Variants in NAALADL2 observed in about 807,000 individuals in gnomAD.
NAALADL2 encodes the protein inactive N-acetylated-alpha-linked acidic dipeptidase-like protein 2.
Under a neutral mutation model 87.2 loss-of-function variants are expected in NAALADL2, and 76 were observed. The observed-to-expected ratio is 0.87, with a 90% CI of 0.72 to 1.05. The LOEUF (loss-of-function observed/expected upper bound fraction) is 1.05. NAALADL2 is among the 50% of genes least tolerant of loss of function. NAALADL2 has a pLI of 0.00. For synonymous variants in NAALADL2, 354 were observed against 331.0 expected (o/e 1.07, Z -0.75); for missense variants, 1,089 against 945.8 (o/e 1.15, Z -1.99).
At chr3:174,548,144 A>T (rs1488620326) in intron 1 of NAALADL2, among the ~76,000 whole-genome samples, 1 of 152,204 alleles carries the variant, frequency 6.6e-6, no homozygotes. Context: ...CATTTAGTTC[A>T]TTACGAACTG....
At chr3:175,151,693 C>T (rs985687537) in intron 2 of NAALADL2, among the ~76,000 whole-genome samples, 11 of 152,112 alleles carry the variant, frequency 7.2e-5, no homozygotes, top group African/African-American at 2.7e-4. Flanking sequence ...CATACATACA[C>T]GCACATGCAT....
chr3:175,535,130 AT>A, intron 9 of NAALADL2, among the ~76,000 whole-genome samples: 1 of 152,140 alleles, frequency 6.6e-6, no homozygotes, highest in Non-Finnish European at 1.5e-5. Flanking sequence ...CTGCTATGTA[AT>A]ATAGAAATAA....
chr3:175,685,050 C>A (rs1736084096), intron 11 of NAALADL2, among the ~76,000 whole-genome samples: 1 of 152,146 alleles, frequency 6.6e-6, no homozygotes, highest in East Asian at 1.9e-4. Flanking sequence ...GTGCAGAATT[C>A]TCCTGGCATG....
At chr3:175,663,872 T>C (rs900660706) in intron 11 of NAALADL2, among the ~76,000 whole-genome samples, 2 of 151,978 alleles carry the variant, frequency 1.3e-5, no homozygotes, top group Non-Finnish European at 2.9e-5. Flanking sequence ...ATTTTAATTT[T>C]TGACCTAGAT....
intron 2 of NAALADL2, among the ~76,000 whole-genome samples, chr3:175,103,440 T>G (rs1227499514): frequency 2.0e-5 from 3 of 152,208 alleles, no homozygotes; most frequent in Non-Finnish European, 2.9e-5. Flanking sequence ...ACTATTTGTT[T>G]AGGTTATCTG....
At chr3:174,473,852 C>T (rs2108315886) in intron 1 of NAALADL2, among the ~76,000 whole-genome samples, 1 of 152,184 alleles carries the variant, frequency 6.6e-6, no homozygotes, top group East Asian at 1.9e-4. Flanking sequence ...AAGAAATACC[C>T]AGGACTGGTT....
At chr3:175,334,911 C>T (rs754433160) in intron 5 of NAALADL2, among the ~76,000 whole-genome samples, 3 of 152,164 alleles carry the variant, frequency 2.0e-5, no homozygotes, top group Non-Finnish European at 4.4e-5. Context: ...CCAAATGGCC[C>T]GGTCTGTATG....
chr3:175,708,005 A>G (rs983627797), intron 11 of NAALADL2, among the ~76,000 whole-genome samples: 11 of 149,726 alleles, frequency 7.3e-5, no homozygotes, highest in Admixed American at 2.7e-4. Flanking sequence ...GACATGGGGG[A>G]AAAAAAAACA....
At chr3:175,065,479 C>T (rs1236464444) in intron 1 of NAALADL2, among the ~76,000 whole-genome samples, 2 of 152,138 alleles carry the variant, frequency 1.3e-5, no homozygotes, top group African/African-American at 2.4e-5. Flanking sequence ...ATTTAATGAT[C>T]TTGTTGAACC....
chr3:175,630,091 A>G (rs1257927557), intron 11 of NAALADL2, among the ~76,000 whole-genome samples: 1 of 151,854 alleles, frequency 6.6e-6, no homozygotes, highest in East Asian at 1.9e-4. Context: ...CATCATGTCT[A>G]CTTGCACTCA....
intron 1 of NAALADL2, among the ~76,000 whole-genome samples, chr3:174,451,685 G>A (rs536190217): frequency 5.1e-4 from 78 of 151,818 alleles, no homozygotes; most frequent in African/African-American, 1.8e-3. Flanking sequence ...CCTTCTTTTC[G>A]GTTTACATAT....
intron 2 of NAALADL2, among the ~76,000 whole-genome samples, chr3:175,127,234 G>C (rs1260614858): frequency 6.6e-6 from 1 of 151,912 alleles, no homozygotes; most frequent in Non-Finnish European, 1.5e-5. Flanking sequence ...ATTATCTCCC[G>C]CTACCCCCCA....
At chr3:175,357,012 A>G (rs1764455287) in intron 5 of NAALADL2, among the ~76,000 whole-genome samples, 1 of 151,908 alleles carries the variant, frequency 6.6e-6, no homozygotes, top group South Asian at 2.1e-4. Context: ...TGCTTACGTT[A>G]TTTTCAAACC....
chr3:174,855,602 A>G (rs533923203), upstream of NAALADL2, among the ~76,000 whole-genome samples: 1 of 151,784 alleles, frequency 6.6e-6, no homozygotes, highest in Non-Finnish European at 1.5e-5. Flanking sequence ...TTGCTAATCT[A>G]TGTCTTTGTT....
chr3:174,726,338 A>C (rs1451455363), intron 2 of NAALADL2, among the ~76,000 whole-genome samples: 1 of 152,180 alleles, frequency 6.6e-6, no homozygotes, highest in Non-Finnish European at 1.5e-5. Context: ...TGGAAAAGCA[A>C]AGGCTGTGCA....
intron 13 of NAALADL2, among the ~76,000 whole-genome samples, chr3:175,772,488 G>T (rs764613786): frequency 2.6e-5 from 4 of 152,150 alleles, no homozygotes; most frequent in Non-Finnish European, 5.9e-5. Context: ...ACCCTAACAA[G>T]CTTCTTCACC....
At chr3:175,732,173 C>T (rs1198748154) in intron 11 of NAALADL2, among the ~76,000 whole-genome samples, 2 of 152,092 alleles carry the variant, frequency 1.3e-5, no homozygotes, top group African/African-American at 4.8e-5. Context: ...GGGAAAGCTT[C>T]CCCTCCACTC....
In NAALADL2 at chr3:175,269,779, AGTTT is replaced by A. The variant is rs569401195; in HGVS notation, c.939+13254_939+13257del. On this transcript the variant is annotated intron_variant, in intron 4 of 13. Coordinates refer to ENST00000454872, the MANE Select transcript of NAALADL2 (RefSeq NM_207015.3). ...ACCTAGGGCTCTTTATGATCCTCGC[AGTTT>A]GTTTATTTATTTGTGTTTATGAATA... Among the ~76,000 whole-genome samples the A allele has an allele frequency of 1.8e-3, 275 of 152,252 alleles. 2 individuals carry two copies. Among genetic ancestry groups the A allele is most frequent in the African/African-American group, 6.0e-3 (248 of 41,552 alleles).
intron 13 of NAALADL2, among the ~76,000 whole-genome samples, chr3:175,795,928 C>A (rs1185163302): frequency 6.6e-6 from 1 of 151,854 alleles, no homozygotes; most frequent in Non-Finnish European, 1.5e-5. Flanking sequence ...TGTCTGCAAC[C>A]AGTGCCTCTG....
Sources: allele counts gnomAD v4.1 joint callset (sites outside exome capture counted in the v4.1 genomes callset), GRCh38; gene constraint gnomAD v4.1.1; transcripts MANE v1.5; gene names NCBI Gene and HGNC (gene_info 2026-07-23, HGNC 2026-07-21).